Variants in CTSK observed in about 807,000 individuals in gnomAD.
CTSK encodes the protein cathepsin K.
CTSK carries 26 observed loss-of-function variants against 40.5 expected under a neutral mutation model. The observed-to-expected ratio is 0.64, with a 90% CI of 0.47 to 0.89. The LOEUF is 0.89. Among genes scored for constraint, CTSK ranks in the 40% least tolerant of loss-of-function variants. CTSK has a pLI of 0.00. For synonymous variants in CTSK, 132 were observed against 143.2 expected (o/e 0.92, Z 0.56); for missense variants, 292 against 400.1 (o/e 0.73, Z 2.30).
chr1:150,805,638 CAAAAAAAAAAAAAAAA>C (rs79027279), intron 4 of CTSK, among the ~76,000 whole-genome samples: 1 of 55,000 alleles, frequency 1.8e-5, no homozygotes, highest in East Asian at 5.6e-4. Context: ...GACTCTATCT[CAAAAAAAAAAAAAAAA>C]AAAAAAAAAG....
chr1:150,799,608 G>A lies in CTSK; in HGVS notation c.720C>T (p.Ala240=). Residue 240 remains alanine (A), a synonymous_variant, in exon 6 of 8, where the codon GCC becomes GCT. Transcript: ENST00000271651. Reference sequence around the variant, plus strand: ...TGGCCACAGAGACAGGTCCCACTCGGGCCACTGCCCTCTTCAGGGCTTTCT... The same window carrying A: ...TGGCCACAGAGACAGGTCCCACTCGAGCCACTGCCCTCTTCAGGGCTTTCT... ...GNEKALKRAV[A]RVGPVSVAID... is the part of the protein sequence containing the mutation. 6.2e-7 allele frequency: 1 copy of A among 1,614,142 alleles called. No homozygotes were observed. The highest frequency in any genetic ancestry group is 2.2e-5 in the East Asian group (1 of 44,888).
At chr1:150,802,222 G>A (rs1005888438) in intron 5 of CTSK, among the ~76,000 whole-genome samples, 5 of 148,202 alleles carry the variant, frequency 3.4e-5, no homozygotes, top group South Asian at 4.3e-4. Flanking sequence ...AGGTTGCAGT[G>A]AGCCAAGATC....
Position 150,804,106 on chromosome 1 carries a change from C to T in CTSK, c.533G>A (p.Gly178Glu), listed in dbSNP as rs760059010. 1.2e-6 allele frequency: 2 copies of T among 1,614,162 alleles called. No homozygotes were observed. Among genetic ancestry groups the T allele is most frequent in the Admixed American group, 3.3e-5 (2 of 60,016 alleles). Residue 178 changes from glycine to glutamate, a missense_variant, in exon 5 of 8, where the codon GGA becomes GAA. Physicochemically the swap from Gly to Glu is moderately conservative, Grantham distance 98. Coordinates refer to ENST00000271651, the MANE Select transcript of CTSK (RefSeq NM_000396.4). ...GAAGGCATTGGTCATGTAGCCCCCT[C>T]CACAGCCATCATTCTCAGACACACA... ...VDCVSENDGC[G>E]GGYMTNAFQY... is the part of the protein sequence containing the mutation.
chr1:150,803,995 T>G (rs756890609), intron 5 of CTSK, 26 bp downstream of exon 5: 17 of 1,574,374 alleles, frequency 1.1e-5, no homozygotes, highest in Admixed American at 8.3e-5. Flanking sequence ...CCAACAGAGC[T>G]GTATAATTGT....
At chr1:150,805,641 A>C (rs1654073491) in intron 4 of CTSK, among the ~76,000 whole-genome samples, 1 of 64,048 alleles carries the variant, frequency 1.6e-5, no homozygotes, top group African/African-American at 4.6e-5. Context: ...TCTATCTCAA[A>C]AAAAAAAAAA....
intron 4 of CTSK, among the ~76,000 whole-genome samples, chr1:150,805,010 G>A (rs971580955): frequency 6.6e-6 from 1 of 151,862 alleles, no homozygotes; most frequent in African/African-American, 2.4e-5. Context: ...CCAGGAATTT[G>A]AGACCAGCCT....
rs767971273 is a variant in CTSK at position 150,804,107 on chromosome 1, C to T, written c.532G>A (p.Gly178Arg). ...AAGGCATTGGTCATGTAGCCCCCTC[C>T]ACAGCCATCATTCTCAGACACACAA... ...VDCVSENDGCGGGYMTNAFQY... is the reference protein window; with the variant it reads ...VDCVSENDGCRGGYMTNAFQY... The change falls in exon 5 of 8, where the codon GGA becomes AGA. Residue 178 changes from glycine to arginine, a missense_variant. Coordinates refer to ENST00000271651, the MANE Select transcript of CTSK (RefSeq NM_000396.4). 6.2e-7 allele frequency: 1 copy of T among 1,614,192 alleles called. No homozygotes were observed. The highest frequency in any genetic ancestry group is 1.1e-5 in the South Asian group (1 of 91,084).
In CTSK at chr1:150,805,997, T is replaced by A. The variant is rs762212949; in HGVS notation, c.263A>T (p.Gln88Leu). 6.2e-7 allele frequency: 1 copy of A among 1,614,234 alleles called. No homozygotes were observed. Among genetic ancestry groups the A allele is most frequent in the East Asian group, 2.2e-5 (1 of 44,892 alleles). The change falls in exon 4 of 8, where the codon CAG becomes CTG. Residue 88 changes from glutamine to leucine, a missense_variant. Coordinates refer to ENST00000271651, the MANE Select transcript of CTSK (RefSeq NM_000396.4). ...GGGTACTTTGAGTCCAGTCATCTTC[T>A]GAACCACCTCTTCACTGGTCTAAGA... ...LGDMTSEEVV[Q>L]KMTGLKVPLS...
At chr1:150,798,304 T>C (rs1653913501) in intron 7 of CTSK, among the ~76,000 whole-genome samples, 1 of 152,232 alleles carries the variant, frequency 6.6e-6, no homozygotes. Context: ...AAAAAAACTG[T>C]TCAAAGGAAT....
chr1:150,796,933 TCA>T (rs753736400), intron 7 of CTSK, 35 bp from the exon 8 acceptor site: 4 of 1,330,342 alleles, frequency 3.0e-6, no homozygotes, highest in East Asian at 2.3e-5. Context: ...CTTAGTACTC[TCA>T]GTTTATTTAT....
Position 150,799,269 on chromosome 1 carries a change from C to T in CTSK, c.789G>A (p.Val263=). The change falls in exon 7 of 8, where the codon GTG becomes GTA. Residue 263 remains valine (V), a synonymous_variant. Transcript: ENST00000271651. ...LTSFQFYSKG[V]YYDESCNSDN... ...CGCTATTGCAGCTTTCATCATAATA[C>T]ACACCTAGAATACAAACTACCAGCG... The T allele has an allele frequency of 6.2e-7, 1 of 1,607,152 alleles. No homozygotes were observed. Among genetic ancestry groups the T allele is most frequent in the Non-Finnish European group, 8.5e-7 (1 of 1,173,622 alleles).
chr1:150,798,751 T>C (rs1653922791), intron 7 of CTSK, among the ~76,000 whole-genome samples: 1 of 152,188 alleles, frequency 6.6e-6, no homozygotes, highest in African/African-American at 2.4e-5. Context: ...CTCACTCTAT[T>C]AGTTCATGCA....
intron 4 of CTSK, among the ~76,000 whole-genome samples, chr1:150,805,552 T>C (rs1366064162): frequency 7.0e-6 from 1 of 143,206 alleles, no homozygotes; most frequent in East Asian, 2.1e-4. Flanking sequence ...GGCAGGAGAA[T>C]CGCTTGAACC....
Position 150,806,104 on chromosome 1 carries a change from T to C in CTSK, c.241A>G (p.Met81Val). ...ACAGGAGCTGAAGCTATACTTGCCA[T>C]GTCCCCCAGGTGGTTCATAGCCAGT... ...YELAMNHLGD[M>V]TSEEVVQKMT... The change falls in exon 3 of 8, where the codon ATG becomes GTG. Residue 81 changes from methionine (M) to valine (V), a missense_variant and splice_region_variant. Physicochemically the swap from Met to Val is conservative, Grantham distance 21 (BLOSUM62 1). Transcript: ENST00000271651. The C allele has an allele frequency of 6.2e-7, 1 of 1,614,214 alleles. No homozygotes were observed. Among genetic ancestry groups the C allele is most frequent in the Non-Finnish European group, 8.5e-7 (1 of 1,180,036 alleles).
At chr1:150,807,450 C>T (rs1195430894) in intron 1 of CTSK, 4 of 461,378 alleles carry the variant, frequency 8.7e-6, no homozygotes, top group Non-Finnish European at 1.8e-5. Context: ...CTCTCCCTTC[C>T]CTCCTTAGGC....
intron 5 of CTSK, 137 bp from the exon 6 acceptor site, chr1:150,799,846 G>C (rs1431303202): frequency 1.7e-5 from 15 of 861,882 alleles, no homozygotes; most frequent in Non-Finnish European, 2.9e-5. Context: ...GAGAGGGTCT[G>C]TTCTTCCTCA....
chr1:150,805,722 T>A (rs1182277457), intron 4 of CTSK, 139 bp downstream of exon 4: 1 of 731,120 alleles, frequency 1.4e-6, no homozygotes, highest in Non-Finnish European at 2.3e-6. Context: ...TGAGGTTAAA[T>A]AACAGAATGG....
At chr1:150,806,943 T>G in intron 1 of CTSK, 137 bp from the exon 2 acceptor site, 1 of 1,035,514 alleles carries the variant, frequency 9.7e-7, no homozygotes, top group Non-Finnish European at 1.5e-6. Flanking sequence ...TGTGTTTAGA[T>G]AGGATGCTGG....
At chr1:150,799,477 G>T in intron 6 of CTSK, 67 bp downstream of exon 6, 2 of 1,582,946 alleles carry the variant, frequency 1.3e-6, no homozygotes, top group South Asian at 1.1e-5. Flanking sequence ...AATACCCAAG[G>T]TCCTTCGAGA....
Sources: gnomAD v4.1 joint callset for allele counts (sites outside exome capture counted in the v4.1 genomes callset) on GRCh38, gnomAD v4.1.1 for gene constraint, MANE v1.5 for transcripts, NCBI Gene and HGNC (gene_info 2026-07-23, HGNC 2026-07-21) for gene names.